The following SGCZ variants were observed in gnomAD, a reference collection of about 807,000 sequenced individuals.
The protein encoded by SGCZ is zeta-sarcoglycan.
SGCZ carries 40 observed loss-of-function variants against 41.3 expected under a neutral mutation model. The observed-to-expected ratio is 0.97, with a 90% CI of 0.75 to 1.26. The LOEUF (loss-of-function observed/expected upper bound fraction) is 1.26, where lower values mean the gene tolerates loss of function less well. Ranked by LOEUF, SGCZ falls within the 50% of genes most tolerant of loss-of-function variation. SGCZ has a pLI of 0.00. For synonymous variants in SGCZ, 206 were observed against 137.5 expected (o/e 1.50, Z -3.49); for missense variants, 552 against 369.8 (o/e 1.49, Z -4.04).
intron 1 of SGCZ, among the ~76,000 whole-genome samples, chr8:14,595,342 A>G (rs1354631804): frequency 6.6e-6 from 1 of 152,026 alleles, no homozygotes; most frequent in Non-Finnish European, 1.5e-5. Context: ...AAACAAGTGC[A>G]TATGTATCTG....
chr8:14,896,462 T>C (rs535941411), intron 1 of SGCZ, among the ~76,000 whole-genome samples: 44 of 152,054 alleles, frequency 2.9e-4, no homozygotes, highest in Non-Finnish European at 3.1e-4. Context: ...TATTTATTTA[T>C]TTTACTATTA....
At chr8:14,559,281 G>C (rs530290323) in intron 1 of SGCZ, among the ~76,000 whole-genome samples, 1 of 152,022 alleles carries the variant, frequency 6.6e-6, no homozygotes, top group African/African-American at 2.4e-5. Context: ...ATTCAGCAAA[G>C]TTTTAGGATA....
intron 4 of SGCZ, among the ~76,000 whole-genome samples, chr8:14,222,362 G>A (rs1450291364): frequency 1.3e-5 from 2 of 151,848 alleles, no homozygotes. Flanking sequence ...TAGAAACGGG[G>A]TTTCACTATC....
At chr8:14,416,149 C>T (rs966882900) in intron 2 of SGCZ, among the ~76,000 whole-genome samples, 2 of 151,880 alleles carry the variant, frequency 1.3e-5, no homozygotes, top group Non-Finnish European at 2.9e-5. Context: ...AATTAACATG[C>T]ATGTGTGTGC....
chr8:14,587,775 G>C (rs1335624792), intron 1 of SGCZ, among the ~76,000 whole-genome samples: 1 of 152,076 alleles, frequency 6.6e-6, no homozygotes, highest in Non-Finnish European at 1.5e-5. Flanking sequence ...AGGAAGATGA[G>C]ACTTACAAAA....
chr8:14,597,192 C>A (rs1036951628), intron 1 of SGCZ, among the ~76,000 whole-genome samples: 4 of 152,110 alleles, frequency 2.6e-5, no homozygotes, highest in African/African-American at 9.7e-5. Flanking sequence ...CTAACAAAAC[C>A]TGGCTTTATT....
intron 2 of SGCZ, among the ~76,000 whole-genome samples, chr8:14,386,584 T>C (rs1296577096): frequency 1.3e-5 from 2 of 152,212 alleles, no homozygotes; most frequent in Admixed American, 6.5e-5. Flanking sequence ...GGTTTGTAAC[T>C]CAACTTCTAT....
At chr8:15,111,899 C>CAA (rs1807077310) in intron 1 of SGCZ, among the ~76,000 whole-genome samples, 1 of 102,944 alleles carries the variant, frequency 9.7e-6, no homozygotes, top group African/African-American at 4.5e-5. Flanking sequence ...ACTCCGTCTC[C>CAA]CAAAAAAAAA....
At position 14,161,587 on chromosome 8, in the gene SGCZ, A is replaced by G. The variant is rs570301279; in HGVS notation, c.547+2993T>C. Among the ~76,000 whole-genome samples the G allele has an allele frequency of 1.1e-4, 16 of 152,298 alleles. No individual in the cohort carries two copies. The South Asian group carries it at 2.5e-3, about 24-fold the overall frequency. ...AGGTCAACATTGTTTGCTATGGGCA[A>G]TCTCATAGTTTGTGGGTGTTTCTTT... On this transcript the variant is annotated intron_variant, in intron 5 of 7. Coordinates refer to ENST00000382080, the MANE Select transcript of SGCZ (RefSeq NM_139167.4).
intron 1 of SGCZ, among the ~76,000 whole-genome samples, chr8:15,005,054 G>C (rs1229328951): frequency 2.0e-5 from 3 of 152,144 alleles, no homozygotes; most frequent in Non-Finnish European, 2.9e-5. Flanking sequence ...CTTCTTTCTA[G>C]ATCACTTCAC....
rs59649473 is a variant in SGCZ, at chr8:15,134,304, C to CT, written c.39+103280dup. On this transcript the variant is annotated intron_variant, in intron 1 of 7. Transcript: ENST00000382080. ...TAAATATACAATAGGAGCATTAGGT[C>CT]TTTTTTTTTTTTGTTTCTTTACTTC... 2.7e-3 allele frequency among the ~76,000 whole-genome samples: 393 copies of CT among 145,634 alleles called. 3 individuals carry two copies. The highest frequency in any genetic ancestry group is 7.1e-3 in the Middle Eastern group (2 of 280).
At chr8:14,283,824 C>G (rs1421798429) in intron 3 of SGCZ, among the ~76,000 whole-genome samples, 1 of 152,188 alleles carries the variant, frequency 6.6e-6, no homozygotes, top group African/African-American at 2.4e-5. Context: ...CCAATGTCCA[C>G]TGCTACTTTA....
chr8:15,003,049 T>A (rs1048607697), intron 1 of SGCZ, among the ~76,000 whole-genome samples: 1 of 152,136 alleles, frequency 6.6e-6, no homozygotes, highest in African/African-American at 2.4e-5. Flanking sequence ...CTTTTCGCCG[T>A]GATTGTGAGG....
chr8:14,119,695 G>A (rs1802638245), intron 5 of SGCZ, among the ~76,000 whole-genome samples: 1 of 151,992 alleles, frequency 6.6e-6, no homozygotes. Flanking sequence ...ATTAGCTGTG[G>A]GTTTGTCATA....
chr8:14,550,069 A>G (rs1803753985), intron 2 of SGCZ, among the ~76,000 whole-genome samples: 1 of 152,064 alleles, frequency 6.6e-6, no homozygotes, highest in African/African-American at 2.4e-5. Context: ...TACTTGTGCA[A>G]ATGTAATGAC....
chr8:14,891,954 C>T (rs962613367), intron 1 of SGCZ, among the ~76,000 whole-genome samples: 4 of 152,142 alleles, frequency 2.6e-5, no homozygotes, highest in African/African-American at 9.7e-5. Context: ...AGACATAATA[C>T]TATTGCACAC....
chr8:14,500,938 A>C (rs2117051420), intron 2 of SGCZ, among the ~76,000 whole-genome samples: 1 of 152,122 alleles, frequency 6.6e-6, no homozygotes, highest in African/African-American at 2.4e-5. Context: ...CACCTGTATT[A>C]GTTTATCATT....
At chr8:15,032,559 G>A (rs889373701) in intron 1 of SGCZ, among the ~76,000 whole-genome samples, 2 of 152,068 alleles carry the variant, frequency 1.3e-5, no homozygotes, top group Non-Finnish European at 2.9e-5. Context: ...CTACAGACCC[G>A]GGATGCAGGC....
At chr8:14,417,341 T>C (rs1310365142) in intron 2 of SGCZ, among the ~76,000 whole-genome samples, 1 of 151,902 alleles carries the variant, frequency 6.6e-6, no homozygotes, top group African/African-American at 2.4e-5. Flanking sequence ...AATTTTAAAT[T>C]GTTCAAGTAT....
Sources: gnomAD v4.1 joint callset for allele counts (sites outside exome capture counted in the v4.1 genomes callset) on GRCh38, gnomAD v4.1.1 for gene constraint, MANE v1.5 for transcripts, NCBI Gene and HGNC (gene_info 2026-07-23, HGNC 2026-07-21) for gene names.